Variants in CDIP1 observed in about 807,000 individuals in gnomAD.
The protein encoded by CDIP1 is cell death inducing p53 target 1.
A neutral mutation model predicts 17.7 loss-of-function variants in CDIP1; 9 were observed. The observed-to-expected ratio is 0.51, with a 90% confidence interval of 0.31 to 0.89. The LOEUF is 0.89. CDIP1 is among the 40% of genes least tolerant of loss of function. The pLI, the probability that CDIP1 is intolerant of heterozygous loss-of-function variation, is 0.05. For synonymous variants in CDIP1, 117 were observed against 109.5 expected (o/e 1.07, Z -0.43); for missense variants, 263 against 277.9 (o/e 0.95, Z 0.38).
At chr16:4,527,765 A>C (rs2059014825) in intron 1 of CDIP1, among the ~76,000 whole-genome samples, 1 of 152,190 alleles carries the variant, frequency 6.6e-6, no homozygotes, top group Non-Finnish European at 1.5e-5. Context: ...GGTTACATGC[A>C]TGTGATTAGC....
Position 4,514,708 on chromosome 16 carries a change from G to A in CDIP1, c.-104-44C>T, listed in dbSNP as rs1426897541. The A allele has an allele frequency of 6.5e-6, 1 of 152,974 alleles. No homozygotes were observed. Among genetic ancestry groups the A allele is most frequent in the Non-Finnish European group, 1.5e-5 (1 of 68,632 alleles). The allele number at this position is 152,974 out of a possible 1,614,324, so 9.5% of individuals were successfully genotyped here. A position where few individuals can be genotyped will look rare whatever the true frequency, so the allele number is the denominator to read the frequency against. On this transcript the variant is annotated intron_variant, in intron 1 of 5. Transcript: ENST00000567695. The surrounding 1 kb of genome is among the most constrained non-coding windows in gnomAD (Gnocchi z 5.2). ...AGGCAGGGCCCTCAGCAGGGAGCAA[G>A]GGCTGCCAAGCCAGGGCTGGGCCCA...
chr16:4,522,794 C>T (rs1175171993), intron 1 of CDIP1, among the ~76,000 whole-genome samples: 3 of 152,170 alleles, frequency 2.0e-5, no homozygotes, highest in Non-Finnish European at 2.9e-5. Flanking sequence ...GACAGGGCAG[C>T]GGGAAAAGGA....
At chr16:4,529,135 C>G (rs1049833943) in intron 1 of CDIP1, among the ~76,000 whole-genome samples, 10 of 152,268 alleles carry the variant, frequency 6.6e-5, no homozygotes, top group African/African-American at 2.4e-4. Context: ...CAAAGCCAGC[C>G]CCTTATGGCC....
chr16:4,513,964 G>C lies in CDIP1; in HGVS notation c.85+82C>G. 1 of 1,343,030 alleles carries C rather than the reference G, an allele frequency of 7.4e-7. No homozygotes were observed. The highest frequency in any genetic ancestry group is 1.0e-6 in the Non-Finnish European group (1 of 987,860). 83.2% of individuals were successfully genotyped at this position (1,343,030 alleles called of 1,614,324 possible). A position where few individuals can be genotyped will look rare whatever the true frequency, so the allele number is the denominator to read the frequency against. On this transcript the variant is annotated intron_variant, in intron 3 of 5. Transcript: ENST00000567695. This position sits in a 1 kb window ranked among gnomAD's most constrained non-coding sequence, Gnocchi z 4.1. ...GGGGCCCAGGGGTAACCCTGGAGTG[G>C]GCATCACCACTTAGAGAGTCCCAAC...
intron 1 of CDIP1, among the ~76,000 whole-genome samples, chr16:4,516,379 C>T (rs1461661683): frequency 1.3e-5 from 2 of 152,136 alleles, no homozygotes; most frequent in Non-Finnish European, 2.9e-5. Flanking sequence ...GAATTGTACA[C>T]TTTAAATGGG....
At chr16:4,521,353 C>T (rs1567416884) in intron 1 of CDIP1, among the ~76,000 whole-genome samples, 1 of 152,140 alleles carries the variant, frequency 6.6e-6, no homozygotes. Flanking sequence ...ATTTCAAGAA[C>T]TGCTGTGCTA....
At position 4,513,544 on chromosome 16, in the gene CDIP1, CCA is replaced by C; in HGVS notation, c.241+150_241+151del. ...ACCTTCCCACGTCCACAGTCCCTGT[CCA>C]CACACAGCCTGAGCCCTAGGCAAGG... On this transcript the variant is annotated intron_variant, in intron 4 of 5. Transcript: ENST00000567695. The surrounding 1 kb of genome is among the most constrained non-coding windows in gnomAD (Gnocchi z 4.1). 1.4e-6 allele frequency: 1 copy of C among 697,894 alleles called. No homozygotes were observed. Among genetic ancestry groups the C allele is most frequent in the Non-Finnish European group, 2.5e-6 (1 of 399,856 alleles). 43.2% of individuals were successfully genotyped at this position (697,894 alleles called of 1,614,324 possible). A position where few individuals can be genotyped will look rare whatever the true frequency, so the allele number is the denominator to read the frequency against.
At chr16:4,521,111 C>A (rs967109428) in intron 1 of CDIP1, among the ~76,000 whole-genome samples, 6 of 149,816 alleles carry the variant, frequency 4.0e-5, no homozygotes, top group Non-Finnish European at 1.5e-5. Context: ...TGTGTGTGTA[C>A]TGTGTGTGTG....
intron 1 of CDIP1, among the ~76,000 whole-genome samples, chr16:4,534,487 A>G (rs1163390931): frequency 6.6e-6 from 1 of 152,208 alleles, no homozygotes; most frequent in African/African-American, 2.4e-5. Flanking sequence ...TTTCAGGGCC[A>G]GCCATGGGCC....
intron 1 of CDIP1, among the ~76,000 whole-genome samples, chr16:4,515,844 G>C (rs967658234): frequency 1.8e-4 from 28 of 152,090 alleles, no homozygotes; most frequent in African/African-American, 6.5e-4. Flanking sequence ...GCCAGCCCCT[G>C]TTCCCCTTTT....
intron 1 of CDIP1, among the ~76,000 whole-genome samples, chr16:4,523,357 T>C (rs763580306): frequency 5.9e-5 from 9 of 151,960 alleles, no homozygotes; most frequent in Non-Finnish European, 1.2e-4. Flanking sequence ...CTACTAAAAA[T>C]ACAAAGATTA....
chr16:4,534,417 A>ATCACAATG (rs2059084795), intron 1 of CDIP1, among the ~76,000 whole-genome samples: 1 of 152,224 alleles, frequency 6.6e-6, no homozygotes, highest in Non-Finnish European at 1.5e-5. Context: ...TGATGCAGTG[A>ATCACAATG]TCACAATGGG....
chr16:4,519,944 T>C (rs1200801269), intron 1 of CDIP1, among the ~76,000 whole-genome samples: 2 of 152,110 alleles, frequency 1.3e-5, no homozygotes, highest in Non-Finnish European at 2.9e-5. Flanking sequence ...TACTCTCTTT[T>C]CTTTATAAAT....
chr16:4,519,181 G>C (rs2058919010), intron 1 of CDIP1, among the ~76,000 whole-genome samples: 2 of 152,218 alleles, frequency 1.3e-5, no homozygotes, highest in African/African-American at 2.4e-5. Flanking sequence ...TCTGGGTTCT[G>C]TGGCATGTGA....
At chr16:4,531,881 G>T (rs994985840) in intron 1 of CDIP1, among the ~76,000 whole-genome samples, 1 of 152,248 alleles carries the variant, frequency 6.6e-6, no homozygotes, top group Non-Finnish European at 1.5e-5. Flanking sequence ...TAGATTTCAT[G>T]GTACCCAGGA....
chr16:4,528,919 G>A (rs1222714844), intron 1 of CDIP1, among the ~76,000 whole-genome samples: 1 of 152,134 alleles, frequency 6.6e-6, no homozygotes, highest in Non-Finnish European at 1.5e-5. Flanking sequence ...AACCCAGGAG[G>A]CAGAGGTTGC....
At chr16:4,525,328 C>T (rs1303055177) in intron 1 of CDIP1, among the ~76,000 whole-genome samples, 1 of 152,056 alleles carries the variant, frequency 6.6e-6, no homozygotes, top group African/African-American at 2.4e-5. Context: ...TGCCTTGGAG[C>T]GAGGACACAT....
rs2058846779 is a variant in CDIP1 at position 4,512,886 on chromosome 16, C to CTTG, written c.419_420insCAA (p.Thr140_Val141insLys). 6.4e-7 allele frequency: 1 copy of CTTG among 1,566,180 alleles called. No homozygotes were observed. The highest frequency in any genetic ancestry group is 8.7e-7 in the Non-Finnish European group (1 of 1,155,042). On this transcript the variant is annotated inframe_insertion, in exon 5 of 6. Transcript: ENST00000567695. This position sits in a 1 kb window ranked among gnomAD's most constrained non-coding sequence, Gnocchi z 4.6. ...TGGCCTGCTGGCAGTGGGGACACACCGTCTGCACAGGCGCTCCCTCAAAGA... is the reference window on the plus strand; with the variant it reads ...TGGCCTGCTGGCAGTGGGGACACACCTTGGTCTGCACAGGCGCTCCCTCAAAGA...
intron 1 of CDIP1, among the ~76,000 whole-genome samples, chr16:4,527,067 C>T (rs1017132947): frequency 6.7e-6 from 1 of 149,534 alleles, no homozygotes; most frequent in Non-Finnish European, 1.5e-5. Context: ...AGGAAGTACA[C>T]GAGAAAAAAG....
Sources: allele counts gnomAD v4.1 joint callset (sites outside exome capture counted in the v4.1 genomes callset), GRCh38; gene constraint gnomAD v4.1.1; non-coding constraint Gnocchi (gnomAD v3.1); transcripts MANE v1.5; gene names NCBI Gene and HGNC (gene_info 2026-07-23, HGNC 2026-07-21).